The following ZNF143 variants were observed in gnomAD, a reference collection of about 807,000 sequenced individuals.
ZNF143 encodes the protein zinc finger protein 143.
ZNF143 carries 49 observed loss-of-function variants against 74.1 expected under a neutral mutation model. The ratio of observed to expected loss-of-function variants is 0.66; its 90% CI spans 0.53 to 0.84. ZNF143 has a LOEUF of 0.84. ZNF143 is among the 40% of genes least tolerant of loss of function. The probability of loss-of-function intolerance (pLI) is 0.00; values close to 1 mark genes in which losing one functional copy is unlikely to be tolerated. For synonymous variants in ZNF143, 304 were observed against 282.8 expected, an observed-to-expected ratio of 1.07 and a Z score of -0.75; for missense variants, 637 against 793.4, an observed-to-expected ratio of 0.80 and a Z score of 2.37.
chr11:9,511,592 A>G (rs562263600), intron 12 of ZNF143, among the ~76,000 whole-genome samples: 5 of 150,116 alleles, frequency 3.3e-5, no homozygotes, highest in African/African-American at 4.9e-5. Context: ...GTGAGCCACC[A>G]TACCCGGCCT....
chr11:9,461,136 C>G (rs913283766), intron 1 of ZNF143, 60 bp downstream of exon 1: 2 of 964,206 alleles, frequency 2.1e-6, no homozygotes, highest in Middle Eastern at 5.3e-4. Flanking sequence ...CCGCCGCCCT[C>G]AGCGCGGCGG....
At chr11:9,482,900 T>C (rs1590543441) in intron 7 of ZNF143, among the ~76,000 whole-genome samples, 2 of 151,568 alleles carry the variant, frequency 1.3e-5, no homozygotes, top group Admixed American at 6.6e-5. Flanking sequence ...TTTGGACATA[T>C]TGTGTTAAAC....
At chr11:9,502,241 C>CTTTTTTTT (rs1183629630) in intron 11 of ZNF143, among the ~76,000 whole-genome samples, 31 of 56,954 alleles carry the variant, frequency 5.4e-4, no homozygotes, top group African/African-American at 6.4e-4. Flanking sequence ...TGGCCATATT[C>CTTTTTTTT]TTTTTTTTTT....
intron 7 of ZNF143, among the ~76,000 whole-genome samples, chr11:9,489,349 G>C (rs1847682382): frequency 6.6e-6 from 1 of 152,102 alleles, no homozygotes; most frequent in Admixed American, 6.6e-5. Flanking sequence ...CCACCCCACA[G>C]GCACACATTC....
At chr11:9,526,030 T>C (rs554085157) in intron 15 of ZNF143, among the ~76,000 whole-genome samples, 124 of 151,956 alleles carry the variant, frequency 8.2e-4, no homozygotes, top group African/African-American at 2.9e-3. Context: ...AGTGCCCAGC[T>C]ACTTGGGGGG....
At chr11:9,477,672 G>A (rs541165921) in intron 5 of ZNF143, among the ~76,000 whole-genome samples, 1 of 152,048 alleles carries the variant, frequency 6.6e-6, no homozygotes, top group Non-Finnish European at 1.5e-5. Context: ...ATCAATACCA[G>A]TATAGATATA....
At chr11:9,472,501 C>T (rs1856639321) in intron 2 of ZNF143, among the ~76,000 whole-genome samples, 176 bp from the exon 3 acceptor site, 1 of 152,144 alleles carries the variant, frequency 6.6e-6, no homozygotes, top group Non-Finnish European at 1.5e-5. Flanking sequence ...ATCCACTTGC[C>T]TTGGCCTCCC....
chr11:9,472,609 G>T lies in ZNF143; in HGVS notation c.113-68G>T, dbSNP rs961933047. On this transcript the variant is annotated intron_variant, in intron 2 of 15. Transcript: ENST00000396602. ...TTTACCTTTTTTCTGATCTTTATTT[G>T]AAAAAAAAATTAATCAGCATGTCCA... 1.6e-5 allele frequency: 21 copies of T among 1,328,732 alleles called. No homozygotes were observed. The African/African-American group carries it at 1.6e-4, about 10-fold the overall frequency. The allele number at this position is 1,328,732 out of a possible 1,614,324, so 82.3% of individuals were successfully genotyped here.
At chr11:9,477,887 A>G (rs973999402) in intron 5 of ZNF143, among the ~76,000 whole-genome samples, 2 of 151,956 alleles carry the variant, frequency 1.3e-5, no homozygotes, top group African/African-American at 4.8e-5. Flanking sequence ...GTGCAGTGGC[A>G]CGATCTTGGC....
At chr11:9,511,546 C>T (rs1848547467) in intron 12 of ZNF143, among the ~76,000 whole-genome samples, 1 of 151,464 alleles carries the variant, frequency 6.6e-6, no homozygotes, top group African/African-American at 2.4e-5. Context: ...TCATGATCCG[C>T]CCGCCTTGGC....
chr11:9,479,357 G>A (rs1847148570), intron 6 of ZNF143, 115 bp from the exon 7 acceptor site: 1 of 665,498 alleles, frequency 1.5e-6, no homozygotes, highest in African/African-American at 1.9e-5. Context: ...GAAGCCCCAT[G>A]TACTTTTTTT....
chr11:9,466,104 TC>T (rs1264778131), intron 1 of ZNF143, among the ~76,000 whole-genome samples: 2 of 151,726 alleles, frequency 1.3e-5, no homozygotes, highest in Non-Finnish European at 2.9e-5. Context: ...TTCCTCAGCA[TC>T]CTGAGTATCT....
chr11:9,492,527 C>G (rs1847821090), intron 7 of ZNF143, among the ~76,000 whole-genome samples: 1 of 151,928 alleles, frequency 6.6e-6, no homozygotes, highest in Non-Finnish European at 1.5e-5. Flanking sequence ...GATTACAGGT[C>G]TGAGCCACCA....
chr11:9,473,359 C>G (rs1320634257), intron 3 of ZNF143, among the ~76,000 whole-genome samples: 1 of 150,556 alleles, frequency 6.6e-6, no homozygotes. Flanking sequence ...CCATTGCACT[C>G]CGGCCTGGGC....
chr11:9,477,817 T>C (rs894451713), intron 5 of ZNF143, among the ~76,000 whole-genome samples: 1 of 151,966 alleles, frequency 6.6e-6, no homozygotes, highest in Non-Finnish European at 1.5e-5. Context: ...TTTTTCTTTG[T>C]TTGTTTTTGT....
intron 14 of ZNF143, among the ~76,000 whole-genome samples, chr11:9,518,129 C>T (rs1206981272): frequency 6.6e-6 from 1 of 152,170 alleles, no homozygotes; most frequent in African/African-American, 2.4e-5. Context: ...GCTCATTGAA[C>T]AGACCTCCCA....
At chr11:9,506,453 T>C (rs1382898368) in intron 11 of ZNF143, among the ~76,000 whole-genome samples, 1 of 152,258 alleles carries the variant, frequency 6.6e-6, no homozygotes, top group Admixed American at 6.5e-5. Flanking sequence ...TTGGCCATAC[T>C]GATGTCTTTG....
intron 9 of ZNF143, among the ~76,000 whole-genome samples, chr11:9,497,217 T>G (rs1428184072): frequency 1.3e-5 from 2 of 152,200 alleles, no homozygotes; most frequent in Non-Finnish European, 2.9e-5. Context: ...TCCCGAGCTA[T>G]GATACTTTTG....
chr11:9,522,791 G>T (rs1848983776), intron 14 of ZNF143, among the ~76,000 whole-genome samples: 1 of 151,734 alleles, frequency 6.6e-6, no homozygotes, highest in African/African-American at 2.4e-5. Flanking sequence ...ACCACACCTG[G>T]CCTATTTGGG....
Sources: allele counts gnomAD v4.1 joint callset (sites outside exome capture counted in the v4.1 genomes callset), GRCh38; gene constraint gnomAD v4.1.1; transcripts MANE v1.5; gene names NCBI Gene and HGNC (gene_info 2026-07-23, HGNC 2026-07-21).